The following RBFOX1 variants were observed in gnomAD, a reference collection of about 807,000 sequenced individuals.
The protein encoded by RBFOX1 is RNA binding fox-1 homolog 1, also known as RNA binding protein fox-1 homolog 1.
A neutral mutation model predicts 57.7 loss-of-function variants in RBFOX1; 8 were observed. The observed-to-expected ratio is 0.14, with a 90% CI of 0.08 to 0.25. The LOEUF is 0.25. Among genes scored for constraint, RBFOX1 ranks in the 10% least tolerant of loss-of-function variants. The pLI is 1.00. For synonymous variants in RBFOX1, 326 were observed against 222.4 expected (o/e 1.47, Z -4.15); for missense variants, 611 against 548.5 (o/e 1.11, Z -1.14).
At chr16:5,582,816 TGCAGAAG>T (rs2046716367) in intron 2 of RBFOX1, among the ~76,000 whole-genome samples, 1 of 152,142 alleles carries the variant, frequency 6.6e-6, no homozygotes, top group Non-Finnish European at 1.5e-5. Flanking sequence ...CAGCCCCAAG[TGCAGAAG>T]GCAGAAGAGC....
chr16:5,531,648 G>C (rs2044481866), intron 2 of RBFOX1, among the ~76,000 whole-genome samples: 1 of 75,670 alleles, frequency 1.3e-5, no homozygotes, highest in African/African-American at 6.7e-5. Context: ...ATGCCTTAAA[G>C]CATTGCCATG....
intron 4 of RBFOX1, among the ~76,000 whole-genome samples, chr16:7,443,775 C>T (rs1317628641): frequency 6.6e-6 from 1 of 152,154 alleles, no homozygotes; most frequent in Non-Finnish European, 1.5e-5. Flanking sequence ...AGAAGAGATC[C>T]GTTGCTCCTA....
chr16:5,537,572 T>C (rs59482036), intron 2 of RBFOX1, among the ~76,000 whole-genome samples: 14,009 of 152,232 alleles, frequency 0.092, 848 homozygotes, highest in African/African-American at 0.17. Flanking sequence ...TTCCTTGTGG[T>C]TGTGGGACTG....
At chr16:6,256,090 G>C (rs1448822942) in intron 1 of RBFOX1, among the ~76,000 whole-genome samples, 1 of 143,474 alleles carries the variant, frequency 7.0e-6, no homozygotes, top group Non-Finnish European at 1.5e-5. Context: ...AATGAAAGTA[G>C]GATCATTTCC....
intron 3 of RBFOX1, among the ~76,000 whole-genome samples, chr16:6,993,456 A>T (rs1413286822): frequency 6.6e-6 from 1 of 152,126 alleles, no homozygotes; most frequent in African/African-American, 2.4e-5. Context: ...GATCCATCAG[A>T]GTGGGAAGGG....
At chr16:6,664,475 T>A (rs948678894) in intron 3 of RBFOX1, among the ~76,000 whole-genome samples, 104 of 152,154 alleles carry the variant, frequency 6.8e-4, no homozygotes, top group African/African-American at 2.3e-3. Context: ...GCTCCTTTGC[T>A]CAGTAAGAAC....
chr16:6,860,581 C>G lies in RBFOX1; in HGVS notation c.-15-191476C>G, dbSNP rs143647916. 2.4e-3 allele frequency among the ~76,000 whole-genome samples: 369 copies of G among 152,260 alleles called. 4 individuals are homozygous for G. Among genetic ancestry groups the G allele is most frequent in the African/African-American group, 8.5e-3 (354 of 41,540 alleles). On this transcript the variant is annotated intron_variant, in intron 3 of 15. Transcript: ENST00000550418. ...CCTAAATGCACACATGAAGGAGACA[C>G]ATAGAAGATTCATTGTGGCATCCAA...
At chr16:7,644,667 A>C (rs930488148) in intron 11 of RBFOX1, among the ~76,000 whole-genome samples, 1 of 152,224 alleles carries the variant, frequency 6.6e-6, no homozygotes, top group African/African-American at 2.4e-5. Context: ...GTCATCTTCT[A>C]GATGTTGGAG....
At chr16:5,658,850 T>C (rs1277649089) in intron 3 of RBFOX1, among the ~76,000 whole-genome samples, 1 of 148,522 alleles carries the variant, frequency 6.7e-6, no homozygotes. Flanking sequence ...ATAATATATG[T>C]ATATATATGT....
chr16:6,114,368 A>G (rs1449126023), intron 1 of RBFOX1, among the ~76,000 whole-genome samples: 1 of 152,206 alleles, frequency 6.6e-6, no homozygotes, highest in Admixed American at 6.5e-5. Flanking sequence ...GCGGCATTAA[A>G]TTGTTGGACT....
intron 3 of RBFOX1, among the ~76,000 whole-genome samples, chr16:6,751,471 A>G (rs1053940067): frequency 5.3e-5 from 8 of 152,180 alleles, no homozygotes; most frequent in African/African-American, 1.4e-4. Context: ...CTGACTTCCT[A>G]TGTCTTAGTC....
chr16:5,866,929 G>T (rs966533740), intron 3 of RBFOX1, among the ~76,000 whole-genome samples: 5 of 151,928 alleles, frequency 3.3e-5, no homozygotes, highest in African/African-American at 1.2e-4. Flanking sequence ...AAACTTTAAG[G>T]GAAGGAAAAA....
chr16:7,639,850 C>T (rs2062463702), intron 11 of RBFOX1, among the ~76,000 whole-genome samples: 1 of 152,138 alleles, frequency 6.6e-6, no homozygotes, highest in South Asian at 2.1e-4. Context: ...GTGCCATGCT[C>T]TCCCTGCCAC....
chr16:5,567,315 G>A (rs566158421), intron 2 of RBFOX1, among the ~76,000 whole-genome samples: 2 of 152,258 alleles, frequency 1.3e-5, no homozygotes, highest in African/African-American at 2.4e-5. Context: ...CAGCACTTTG[G>A]TCAGGTTAAG....
At chr16:6,370,561 C>G (rs113249064) in intron 2 of RBFOX1, among the ~76,000 whole-genome samples, 1 of 151,914 alleles carries the variant, frequency 6.6e-6, no homozygotes, top group African/African-American at 2.4e-5. Flanking sequence ...TGAAACATTA[C>G]GCTAAGTGAA....
At chr16:6,938,586 T>C (rs11864531) in intron 3 of RBFOX1, among the ~76,000 whole-genome samples, 56,098 of 151,796 alleles carry the variant, frequency 0.37, 10,414 homozygotes, top group East Asian at 0.44. Flanking sequence ...CATTTTTTTT[T>C]CCTCTGGCTA....
chr16:7,111,106 G>T (rs930472040), intron 4 of RBFOX1, among the ~76,000 whole-genome samples: 1 of 152,156 alleles, frequency 6.6e-6, no homozygotes, highest in Non-Finnish European at 1.5e-5. Context: ...GTCGAGACAT[G>T]TGGCCAATCT....
chr16:7,040,695 T>C (rs2045870243), intron 3 of RBFOX1, among the ~76,000 whole-genome samples: 1 of 152,174 alleles, frequency 6.6e-6, no homozygotes, highest in Non-Finnish European at 1.5e-5. Flanking sequence ...TGTGTGTGCA[T>C]AGTTTTTTAT....
chr16:7,111,606 T>C (rs1044487735), intron 4 of RBFOX1, among the ~76,000 whole-genome samples: 2 of 152,166 alleles, frequency 1.3e-5, no homozygotes, highest in Admixed American at 1.3e-4. Flanking sequence ...AGTGTCTGAG[T>C]ATCCTGGGAG....
Sources: allele counts gnomAD v4.1 joint callset (sites outside exome capture counted in the v4.1 genomes callset), GRCh38; gene constraint gnomAD v4.1.1; transcripts MANE v1.5; gene names NCBI Gene and HGNC (gene_info 2026-07-23, HGNC 2026-07-21).